The following LONRF1 variants were observed in gnomAD, a reference collection of about 807,000 sequenced individuals.
LONRF1 encodes the protein LON peptidase N-terminal domain and RING finger protein 1.
A neutral mutation model predicts 85.8 loss-of-function variants in LONRF1; 37 were observed. The observed-to-expected ratio is 0.43, with a 90% CI of 0.33 to 0.57. The LOEUF is 0.57. LONRF1 is among the 20% of genes least tolerant of loss of function. LONRF1 has a pLI of 0.04. For missense variants in LONRF1, 1,036 were observed against 978.0 expected (o/e 1.06, Z -0.79); for synonymous variants, 517 against 390.1 (o/e 1.33, Z -3.83).
rs1799566072 is a variant in LONRF1, at chr8:12,754,799, G to A, written c.622C>T (p.Gln208Ter). Residue 208 changes from glutamine (Q) to a stop codon, truncating the protein, a stop_gained, in exon 1 of 12, where the codon CAG becomes TAG. Transcript: ENST00000398246. LOFTEE classifies it high-confidence loss of function. ...NHLAEKWFPG[Q>*]RERARAAGRL... Reference sequence around the variant, plus strand: ...CCGGCCGCCCGGGCCCGCTCGCGCTGGCCCGGAAACCACTTCTCGGCCAGG... The same window carrying A: ...CCGGCCGCCCGGGCCCGCTCGCGCTAGCCCGGAAACCACTTCTCGGCCAGG... 1 of 1,487,932 alleles carries A rather than the reference G, an allele frequency of 6.7e-7. No individual in the cohort carries two copies. The highest frequency in any genetic ancestry group is 2.2e-5 in the Admixed American group (1 of 44,586). 92.2% of individuals were successfully genotyped at this position (1,487,932 alleles called of 1,614,324 possible). A position where few individuals can be genotyped will look rare whatever the true frequency, so the allele number is the denominator to read the frequency against.
intron 1 of LONRF1, among the ~76,000 whole-genome samples, chr8:12,750,915 A>G (rs1467538336): frequency 6.6e-6 from 1 of 152,172 alleles, no homozygotes; most frequent in Admixed American, 6.5e-5. Context: ...TTGAATTAAT[A>G]TTTACTGGGC....
At chr8:12,737,259 T>C in intron 4 of LONRF1, 119 bp from the exon 5 acceptor site, 1 of 1,182,478 alleles carries the variant, frequency 8.5e-7, no homozygotes, top group Non-Finnish European at 1.2e-6. Context: ...AATGTTCATT[T>C]AATAGCACTA....
chr8:12,737,914 C>T (rs866469669), intron 4 of LONRF1, 81 bp downstream of exon 4: 4 of 1,449,248 alleles, frequency 2.8e-6, no homozygotes, highest in African/African-American at 1.5e-5. Context: ...GGTGCTAGTA[C>T]TTGAAACTAG....
intron 2 of LONRF1, 57 bp from the exon 3 acceptor site, chr8:12,741,053 CA>C: frequency 6.3e-7 from 1 of 1,585,860 alleles, no homozygotes. Context: ...TTTAAAAAAT[CA>C]TTATCAAGTA....
chr8:12,749,931 C>T (rs1799311977), intron 1 of LONRF1, among the ~76,000 whole-genome samples: 1 of 152,130 alleles, frequency 6.6e-6, no homozygotes, highest in African/African-American at 2.4e-5. Flanking sequence ...TTTTATATTT[C>T]TAGCACCTAA....
intron 10 of LONRF1, among the ~76,000 whole-genome samples, chr8:12,727,796 C>T (rs934652657): frequency 3.3e-5 from 5 of 152,108 alleles, no homozygotes; most frequent in Non-Finnish European, 5.9e-5. Flanking sequence ...ACAATACTTT[C>T]GGCCAACTGC....
Position 12,754,903 on chromosome 8 carries a change from T to A in LONRF1, c.518A>T (p.Glu173Val), listed in dbSNP as rs775575696. The A allele has an allele frequency of 1.3e-6, 2 of 1,492,234 alleles. No homozygotes were observed. Among genetic ancestry groups the A allele is most frequent in the South Asian group, 2.5e-5 (2 of 79,398 alleles). The allele number at this position is 1,492,234 out of a possible 1,614,324, so 92.4% of individuals were successfully genotyped here. A position where few individuals can be genotyped will look rare whatever the true frequency, so the allele number is the denominator to read the frequency against. Reference protein sequence around the residue: ...PPATASATDAEGTAPRPPPLA... With the variant: ...PPATASATDAVGTAPRPPPLA... The stretch of plus-strand genomic sequence containing the variant: ...AGGCGGCGGCCGCGGGGCGGTCCCT[T>A]CAGCATCAGTGGCACTGGCGGTGGC... Residue 173 changes from glutamate to valine, a missense_variant, in exon 1 of 12, where the codon GAA becomes GTA. Coordinates refer to ENST00000398246, the MANE Select transcript of LONRF1 (RefSeq NM_152271.5).
Position 12,729,219 on chromosome 8 carries a change from G to T in LONRF1, c.1802C>A (p.Thr601Asn). ...ACACATGCCAAACTGTTTGGTTCCA[G>T]TCTGTATACTTCTTCGAATCATCAA... ...YRLMIRRSIQ[T>N]GTKQFGMCVS... The change falls in exon 9 of 12, where the codon ACT becomes AAT. Residue 601 changes from threonine to asparagine, a missense_variant. Transcript: ENST00000398246. 1 of 1,613,934 alleles carries T rather than the reference G, an allele frequency of 6.2e-7. No individual in the cohort carries two copies. Among genetic ancestry groups the T allele is most frequent in the Non-Finnish European group, 8.5e-7 (1 of 1,179,904 alleles).
chr8:12,732,790 G>C (rs1798576366), intron 7 of LONRF1, among the ~76,000 whole-genome samples: 1 of 152,106 alleles, frequency 6.6e-6, no homozygotes, highest in Admixed American at 6.5e-5. Context: ...GCTTAGGGTA[G>C]GGCCAGGGAC....
intron 2 of LONRF1, among the ~76,000 whole-genome samples, chr8:12,741,203 G>C (rs1416467146): frequency 6.6e-6 from 1 of 152,110 alleles, no homozygotes; most frequent in Non-Finnish European, 1.5e-5. Context: ...GGTCAACATG[G>C]TGAAACCCTG....
At chr8:12,741,121 C>T (rs1171442584) in intron 2 of LONRF1, 125 bp from the exon 3 acceptor site, 6 of 945,794 alleles carry the variant, frequency 6.3e-6, no homozygotes, top group South Asian at 3.1e-5. Flanking sequence ...CAGTAGCTCA[C>T]GCCTGTAATC....
intron 11 of LONRF1, 36 bp from the exon 12 acceptor site, chr8:12,723,290 C>A: frequency 1.9e-6 from 3 of 1,564,254 alleles, no homozygotes; most frequent in Admixed American, 2.0e-5. Context: ...ATTAATAAAA[C>A]AAGGATTTAT....
At chr8:12,726,983 A>G (rs931683447) in intron 10 of LONRF1, among the ~76,000 whole-genome samples, 3 of 152,152 alleles carry the variant, frequency 2.0e-5, no homozygotes, top group African/African-American at 4.8e-5. Context: ...ATTTTACCAC[A>G]ATAAAAATAA....
rs1311133619 is a variant in LONRF1, at chr8:12,722,798, ACACT to A, written c.*294_*297del. 4 of 227,214 alleles carry A rather than the reference ACACT, an allele frequency of 1.8e-5. No individual in the cohort carries two copies. Among genetic ancestry groups the A allele is most frequent in the African/African-American group, 4.5e-5 (2 of 44,046 alleles). 14.1% of individuals were successfully genotyped at this position (227,214 alleles called of 1,614,324 possible). On this transcript the variant is annotated 3_prime_UTR_variant, in exon 12 of 12. Coordinates refer to ENST00000398246, the MANE Select transcript of LONRF1 (RefSeq NM_152271.5). ...CACACACGCACGCACACACACACACACACTCTCTCACAGACATAAAGAGTTCTTA... is the reference window on the plus strand; with the variant it reads ...CACACACGCACGCACACACACACACACTCTCACAGACATAAAGAGTTCTTA...
At position 12,728,975 on chromosome 8, in the gene LONRF1, G is replaced by C; in HGVS notation, c.1936C>G (p.Arg646Gly). The change falls in exon 10 of 12, where the codon CGG becomes GGG. Residue 646 changes from arginine to glycine, a missense_variant. Coordinates refer to ENST00000398246, the MANE Select transcript of LONRF1 (RefSeq NM_152271.5). The stretch of plus-strand genomic sequence containing the variant: ...ATTCCTCTTTTTAAAACCCTAAACC[G>C]CTTTCCTCCAACTGTATCAACCACA... Reference protein sequence around the residue: ...RSVVDTVGGKRFRVLKRGMKD... With the variant: ...RSVVDTVGGKGFRVLKRGMKD... 6.2e-7 allele frequency: 1 copy of C among 1,613,902 alleles called. No homozygotes were observed. Among genetic ancestry groups the C allele is most frequent in the Non-Finnish European group, 8.5e-7 (1 of 1,179,884 alleles).
At chr8:12,751,752 G>T (rs1181779026) in intron 1 of LONRF1, among the ~76,000 whole-genome samples, 8 of 150,994 alleles carry the variant, frequency 5.3e-5, no homozygotes, top group South Asian at 2.1e-4. Flanking sequence ...TCCTCTGGGG[G>T]AGAGGTGAAC....
chr8:12,755,248 A>G lies in LONRF1; in HGVS notation c.173T>C (p.Leu58Pro). Residue 58 changes from leucine (L) to proline (P), a missense_variant, in exon 1 of 12, where the codon CTG becomes CCG. By Grantham distance (98) the Leu-to-Pro change is moderately conservative. Around this residue, in one of 3 missense-constraint regions of LONRF1, gnomAD observed 742 missense variants for 614.4 expected, o/e 1.21. Transcript: ENST00000398246. The part of the protein sequence containing the change: ...WELLLRRGEL[L>P]ALGGHLKGAL... The stretch of plus-strand genomic sequence containing the variant: ...GCCCTTCAGGTGGCCGCCCAGCGCC[A>G]GCAGCTCCCCGCGGCGGAGCAGCAG... 8.1e-7 allele frequency: 1 copy of G among 1,235,682 alleles called. No individual in the cohort carries two copies. Among genetic ancestry groups the G allele is most frequent in the Non-Finnish European group, 1.0e-6 (1 of 992,106 alleles). 76.5% of individuals were successfully genotyped at this position (1,235,682 alleles called of 1,614,324 possible).
chr8:12,744,725 A>G (rs1799076058), intron 1 of LONRF1, among the ~76,000 whole-genome samples: 1 of 152,196 alleles, frequency 6.6e-6, no homozygotes, highest in Admixed American at 6.5e-5. Flanking sequence ...ATCAGCATCA[A>G]AAACTCCAGG....
chr8:12,751,733 C>T (rs1269141263), intron 1 of LONRF1, among the ~76,000 whole-genome samples: 4 of 143,544 alleles, frequency 2.8e-5, no homozygotes, highest in Non-Finnish European at 6.1e-5. Context: ...TTATACTGTT[C>T]TGTTGTCTTC....
Sources: gnomAD v4.1 joint callset for allele counts (sites outside exome capture counted in the v4.1 genomes callset) on GRCh38, gnomAD v4.1.1 for gene constraint, gnomAD v4.1.1 regional missense constraint, MANE v1.5 for transcripts, NCBI Gene and HGNC (gene_info 2026-07-23, HGNC 2026-07-21) for gene names.